The following POU6F2 variants were observed in gnomAD, a reference collection of about 807,000 sequenced individuals.
POU6F2 encodes POU class 6 homeobox 2, also known as POU domain, class 6, transcription factor 2.
In POU6F2, 31 loss-of-function variants were observed where a neutral mutation model predicts 71.3. That is an observed-to-expected ratio of 0.43 (90% CI 0.33 to 0.59). The LOEUF is 0.59. Among genes scored for constraint, POU6F2 ranks in the 20% least tolerant of loss-of-function variants. POU6F2 has a pLI of 0.04. For missense variants in POU6F2, 783 were observed against 856.8 expected (o/e 0.91, Z 1.07); for synonymous variants, 347 against 355.7 (o/e 0.98, Z 0.27).
At chr7:39,434,244 G>C (rs1475000870) in intron 7 of POU6F2, among the ~76,000 whole-genome samples, 1 of 152,132 alleles carries the variant, frequency 6.6e-6, no homozygotes, top group African/African-American at 2.4e-5. Context: ...AGAGGATGGG[G>C]TGTTGAGAAA....
At chr7:39,425,542 A>G (rs187730795) in intron 6 of POU6F2, among the ~76,000 whole-genome samples, 1 of 152,322 alleles carries the variant, frequency 6.6e-6, no homozygotes, top group South Asian at 2.1e-4. Context: ...AACTTCAGCA[A>G]CTAATGCATT....
At chr7:39,330,920 C>T (rs563794323) in intron 4 of POU6F2, among the ~76,000 whole-genome samples, 3 of 152,222 alleles carry the variant, frequency 2.0e-5, no homozygotes, top group African/African-American at 7.2e-5. Context: ...ATTGACCAAG[C>T]TTTGCCTCTC....
At chr7:38,983,658 C>T (rs779164843) in intron 1 of POU6F2, among the ~76,000 whole-genome samples, 22 of 151,986 alleles carry the variant, frequency 1.4e-4, no homozygotes, top group African/African-American at 5.1e-4. Context: ...CTTCCCAGTT[C>T]CACAATGTGA....
At chr7:39,267,806 C>T (rs537167703) in intron 4 of POU6F2, among the ~76,000 whole-genome samples, 3 of 152,214 alleles carry the variant, frequency 2.0e-5, no homozygotes, top group East Asian at 3.9e-4. Context: ...ACACTGTTAA[C>T]CCTAATTAGC....
intron 5 of POU6F2, chr7:39,373,693 A>G (rs1786657140): frequency 8.8e-6 from 3 of 341,952 alleles, no homozygotes; most frequent in South Asian, 2.4e-5. Flanking sequence ...CCAGATTTAC[A>G]TTCATTGATT....
intron 1 of POU6F2, among the ~76,000 whole-genome samples, chr7:39,030,885 T>A (rs73371304): frequency 0.024 from 3,642 of 151,876 alleles, 149 homozygotes; most frequent in African/African-American, 0.084. Context: ...TAAACTTTAT[T>A]GTTTTTAAAA....
chr7:39,175,023 A>C (rs1421096659), intron 2 of POU6F2, among the ~76,000 whole-genome samples: 1 of 151,998 alleles, frequency 6.6e-6, no homozygotes, highest in Admixed American at 6.6e-5. Context: ...TCCATCATCA[A>C]ATTACTTTTT....
At chr7:39,387,550 A>G (rs887645545) in intron 5 of POU6F2, among the ~76,000 whole-genome samples, 1 of 152,182 alleles carries the variant, frequency 6.6e-6, no homozygotes, top group Non-Finnish European at 1.5e-5. Context: ...GAATGTCAGG[A>G]TCAAGTTAGT....
rs927272380 is a variant in POU6F2 at position 39,237,799 on chromosome 7, A to T, written c.598+30179A>T. Among the ~76,000 whole-genome samples the T allele has an allele frequency of 4.0e-5, 6 of 151,476 alleles. No homozygotes were observed. In the South Asian group the frequency reaches 6.3e-4, roughly 16 times the overall value. ...CTCAAATGAAAACTCACTTTTAAAC[A>T]TTTTTTTTTAATAAAAAAGCATGTC... On this transcript the variant is annotated intron_variant, in intron 4 of 9. Coordinates refer to ENST00000518318, the MANE Select transcript of POU6F2 (RefSeq NM_001370959.1).
chr7:39,171,628 A>C (rs1025776939), intron 2 of POU6F2, among the ~76,000 whole-genome samples: 3 of 152,226 alleles, frequency 2.0e-5, no homozygotes, highest in African/African-American at 7.2e-5. Flanking sequence ...TCAACTGGTT[A>C]ATGGCCATCC....
In POU6F2 at chr7:39,005,372, C is replaced by T. The variant is rs562512105; in HGVS notation, c.105+27314C>T. On this transcript the variant is annotated intron_variant, in intron 1 of 9. Coordinates refer to ENST00000518318, the MANE Select transcript of POU6F2 (RefSeq NM_001370959.1). Reference sequence around the variant, plus strand: ...CAGTGTCTACAGTTGTTATTTTTCACGAATGCAGCCGACAACTGCTTCCTG... The same window carrying T: ...CAGTGTCTACAGTTGTTATTTTTCATGAATGCAGCCGACAACTGCTTCCTG... 4.3e-4 allele frequency among the ~76,000 whole-genome samples: 66 copies of T among 152,224 alleles called. 1 individual carries two copies. In the East Asian group the frequency reaches 0.011, roughly 25 times the overall value.
At chr7:39,290,006 C>T (rs559733230) in intron 4 of POU6F2, among the ~76,000 whole-genome samples, 2 of 152,032 alleles carry the variant, frequency 1.3e-5, no homozygotes, top group South Asian at 4.2e-4. Context: ...CTCAGGATGA[C>T]AAAATGTAAA....
intron 8 of POU6F2, among the ~76,000 whole-genome samples, chr7:39,457,264 G>A (rs952862718): frequency 6.6e-6 from 1 of 152,190 alleles, no homozygotes; most frequent in Non-Finnish European, 1.5e-5. Flanking sequence ...CCTTGGGACT[G>A]GAGTAGACCA....
intron 5 of POU6F2, among the ~76,000 whole-genome samples, chr7:39,394,980 C>T (rs1332239302): frequency 6.6e-6 from 1 of 152,114 alleles, no homozygotes; most frequent in Non-Finnish European, 1.5e-5. Context: ...GAGTGGTGAA[C>T]CATACCGTGC....
intron 1 of POU6F2, among the ~76,000 whole-genome samples, chr7:39,009,285 A>G (rs1275118166): frequency 2.0e-5 from 3 of 151,658 alleles, no homozygotes; most frequent in Admixed American, 6.6e-5. Flanking sequence ...CTTTGAAGCA[A>G]TTGTGAATGG....
At chr7:39,220,665 C>T (rs1794331954) in intron 4 of POU6F2, among the ~76,000 whole-genome samples, 1 of 151,992 alleles carries the variant, frequency 6.6e-6, no homozygotes, top group South Asian at 2.1e-4. Context: ...GATTTACTTC[C>T]AGCCCTTCTG....
In POU6F2 at chr7:39,249,576, T is replaced by C. The variant is rs573982877; in HGVS notation, c.598+41956T>C. ...AGGACATTTTGCTTGCAAAGTGCAT[T>C]GTAGCAAAATAATTGGAAGCCAGTT... On this transcript the variant is annotated intron_variant, in intron 4 of 9. Coordinates refer to ENST00000518318, the MANE Select transcript of POU6F2 (RefSeq NM_001370959.1). 2.0e-5 allele frequency among the ~76,000 whole-genome samples: 3 copies of C among 152,346 alleles called. No individual in the cohort carries two copies. In the East Asian group the frequency reaches 5.8e-4, roughly 29 times the overall value.
At chr7:39,459,589 T>G (rs1375229923) in intron 8 of POU6F2, among the ~76,000 whole-genome samples, 1 of 152,162 alleles carries the variant, frequency 6.6e-6, no homozygotes, top group Admixed American at 6.5e-5. Flanking sequence ...CTGAAATTGA[T>G]GGGCTATTGC....
intron 2 of POU6F2, among the ~76,000 whole-genome samples, chr7:39,159,395 C>G (rs1362870284): frequency 6.6e-6 from 1 of 152,134 alleles, no homozygotes; most frequent in Non-Finnish European, 1.5e-5. Context: ...GACAAAAGCT[C>G]CCCTGCATCT....
Sources: allele counts gnomAD v4.1 joint callset (sites outside exome capture counted in the v4.1 genomes callset), GRCh38; gene constraint gnomAD v4.1.1; transcripts MANE v1.5; gene names NCBI Gene and HGNC (gene_info 2026-07-23, HGNC 2026-07-21).